Variants in AP5Z1 observed in about 807,000 individuals in gnomAD.
The protein encoded by AP5Z1 is AP-5 complex subunit zeta-1.
AP5Z1 carries 106 observed loss-of-function variants against 83.0 expected under a neutral mutation model. The observed-to-expected ratio is 1.28, with a 90% CI of 1.09 to 1.50. The LOEUF (loss-of-function observed/expected upper bound fraction) is 1.50. AP5Z1 is among the 40% of genes most tolerant of loss of function. AP5Z1 has a pLI of 0.00. For synonymous variants in AP5Z1, 751 were observed against 514.1 expected, an observed-to-expected ratio of 1.46 and a Z score of -6.23; for missense variants, 1,565 against 1,094.2, an observed-to-expected ratio of 1.43 and a Z score of -6.07.
At position 4,784,286 on chromosome 7, in the gene AP5Z1, C is replaced by T. The variant is rs766379431; in HGVS notation, c.705C>T (p.Asp235=). Residue 235 remains aspartate (D), a synonymous_variant, in exon 6 of 17, where the codon GAC becomes GAT. Transcript: ENST00000649063. ...VLSSGHRFTD[D]QWLNVQAFSM... is the part of the protein sequence containing the mutation. ...CCAGCGGCCACCGCTTCACAGACGA[C>T]CAGTGGCTGAACGTGCAGGCCTTCT... 2.5e-6 allele frequency: 4 copies of T among 1,602,758 alleles called. No homozygotes were observed. The highest frequency in any genetic ancestry group is 3.4e-6 in the Non-Finnish European group (4 of 1,175,690).
Position 4,792,939 on chromosome 7 carries a change from A to T in AP5Z1, c.*1554A>T. Reference sequence around the variant, plus strand: ...CCCCTAGGCTCGGAATGAGTCTCCCACTGAGTCCGCAGCTCCCCTCCTGCC... The same window carrying T: ...CCCCTAGGCTCGGAATGAGTCTCCCTCTGAGTCCGCAGCTCCCCTCCTGCC... On this transcript the variant is annotated 3_prime_UTR_variant, in exon 17 of 17. Transcript: ENST00000649063. The T allele has an allele frequency of 6.3e-6, 1 of 159,226 alleles. No individual in the cohort carries two copies. The highest frequency in any genetic ancestry group is 1.4e-5 in the Non-Finnish European group (1 of 72,242). 9.9% of individuals were successfully genotyped at this position (159,226 alleles called of 1,614,324 possible).
intron 12 of AP5Z1, 69 bp from the exon 13 acceptor site, chr7:4,788,771 G>T: frequency 7.3e-7 from 1 of 1,363,724 alleles, no homozygotes; most frequent in South Asian, 1.4e-5. Context: ...GAGCAGTGGC[G>T]ACGTGGCCCC....
At chr7:4,788,657 C>T (rs953042072) in intron 12 of AP5Z1, 183 bp from the exon 13 acceptor site, 1 of 560,532 alleles carries the variant, frequency 1.8e-6, no homozygotes, top group Non-Finnish European at 3.1e-6. Flanking sequence ...GATGGCTTTA[C>T]TGTCCCGGGT....
Position 4,790,453 on chromosome 7 carries a change from G to A in AP5Z1, c.1806-6G>A, listed in dbSNP as rs189712219. The A allele has an allele frequency of 6.2e-7, 1 of 1,613,062 alleles. No individual in the cohort carries two copies. The highest frequency in any genetic ancestry group is 1.7e-5 in the Admixed American group (1 of 60,010). On this transcript the variant is annotated splice_region_variant and splice_polypyrimidine_tract_variant and intron_variant, in intron 14 of 16. Coordinates refer to ENST00000649063, the MANE Select transcript of AP5Z1 (RefSeq NM_014855.3). The stretch of plus-strand genomic sequence containing the variant: ...AGAGCAGGCGTAGACCCGGCTTTCT[G>A]GGCAGTGTGCTGAGTTCTCAGTTCC...
intron 16 of AP5Z1, 36 bp downstream of exon 16, chr7:4,790,923 C>A: frequency 6.5e-7 from 1 of 1,546,970 alleles, no homozygotes; most frequent in Non-Finnish European, 8.7e-7. Context: ...CCTTCTGGCT[C>A]CTGGGGAAGA....
intron 6 of AP5Z1, 92 bp from the exon 7 acceptor site, chr7:4,784,816 G>T: frequency 6.8e-7 from 1 of 1,480,326 alleles, no homozygotes; most frequent in Non-Finnish European, 9.1e-7. Context: ...GCTGCGGCCT[G>T]TGCTCTCCTC....
intron 1 of AP5Z1, among the ~76,000 whole-genome samples, chr7:4,779,771 GCTGGGATTA>G (rs1410048139): frequency 3.9e-5 from 6 of 151,976 alleles, no homozygotes; most frequent in Non-Finnish European, 7.4e-5. Flanking sequence ...CTCCTGAGTA[GCTGGGATTA>G]CAGGCTTGTG....
At chr7:4,778,820 ATAT>A (rs1781291292) in intron 1 of AP5Z1, among the ~76,000 whole-genome samples, 2 of 143,624 alleles carry the variant, frequency 1.4e-5, no homozygotes, top group South Asian at 4.2e-4. Flanking sequence ...ATTATATGTT[ATAT>A]TATATATCAT....
Position 4,786,100 on chromosome 7 carries a change from A to G in AP5Z1, c.1133-150A>G, listed in dbSNP as rs1210358277. 6.8e-6 allele frequency: 5 copies of G among 735,596 alleles called. No individual in the cohort carries two copies. In the South Asian group the frequency reaches 1.2e-4, roughly 17 times the overall value. 45.6% of individuals were successfully genotyped at this position (735,596 alleles called of 1,614,324 possible). A position where few individuals can be genotyped will look rare whatever the true frequency, so the allele number is the denominator to read the frequency against. On this transcript the variant is annotated intron_variant, in intron 9 of 16. Transcript: ENST00000649063. ...CCGTGTCCCTGGGCGAGGGAGACCA[A>G]GTGCCGCTTCCCCAGCGTCCCAGCG...
chr7:4,780,703 T>C (rs895480652), intron 1 of AP5Z1, among the ~76,000 whole-genome samples: 2 of 152,076 alleles, frequency 1.3e-5, no homozygotes, highest in Non-Finnish European at 1.5e-5. Flanking sequence ...GAGGCGAAGG[T>C]TGCAGTGAGC....
chr7:4,775,677 A>C lies in AP5Z1; in HGVS notation c.-39A>C, dbSNP rs749484491. On this transcript the variant is annotated 5_prime_UTR_variant, in exon 1 of 17. Transcript: ENST00000649063. ...GGAGCTCCTGGGCTGCAGCTCCTGG[A>C]GTTTCCGAGGTTCGTGCGCGTCTGG... 1.5e-5 allele frequency: 24 copies of C among 1,605,346 alleles called. No homozygotes were observed. The highest frequency in any genetic ancestry group is 4.0e-5 in the African/African-American group (3 of 74,878).
In AP5Z1 at chr7:4,784,203, C is replaced by T. The variant is rs1781466614; in HGVS notation, c.622C>T (p.Pro208Ser). The T allele has an allele frequency of 6.3e-7, 1 of 1,578,990 alleles. No individual in the cohort carries two copies. The highest frequency in any genetic ancestry group is 1.3e-5 in the African/African-American group (1 of 74,242). The change falls in exon 6 of 17, where the codon CCG becomes TCG. Residue 208 changes from proline to serine, a missense_variant and splice_region_variant. Coordinates refer to ENST00000649063, the MANE Select transcript of AP5Z1 (RefSeq NM_014855.3). ...CCACTCCTGCCTGTCCTTCCCACAG[C>T]CGGGCCCCGTCACCGAGGTGGACGG... ...GFFSTPRARQ[P>S]GPVTEVDGAV...
At chr7:4,787,469 G>A (rs1164982760) in intron 10 of AP5Z1, 165 bp from the exon 11 acceptor site, 5 of 1,085,656 alleles carry the variant, frequency 4.6e-6, no homozygotes, top group Non-Finnish European at 6.4e-6. Flanking sequence ...CTGGGCGACA[G>A]AGCAAGACCC....
chr7:4,785,559 GCCGGCAGGACCCGTC>G lies in AP5Z1; in HGVS notation c.1009_1023del (p.Arg337_Ser341del). On this transcript the variant is annotated inframe_deletion, in exon 9 of 17. Coordinates refer to ENST00000649063, the MANE Select transcript of AP5Z1 (RefSeq NM_014855.3). ...GCCGTGCTGGTGCTGGACGTGCTGT[GCCGGCAGGACCCGTC>G]CTTCCTGTACCGAAGTCTCTCCTGC... 1 of 1,611,492 alleles carries G rather than the reference GCCGGCAGGACCCGTC, an allele frequency of 6.2e-7. No homozygotes were observed. The highest frequency in any genetic ancestry group is 1.1e-5 in the South Asian group (1 of 90,722).
intron 13 of AP5Z1, 70 bp downstream of exon 13, chr7:4,789,021 TG>T: frequency 3.7e-6 from 5 of 1,344,556 alleles, no homozygotes; most frequent in East Asian, 2.5e-5. Flanking sequence ...GAGCCAGCAC[TG>T]GGGGGCCCTC....
chr7:4,783,616 C>A, intron 4 of AP5Z1, 73 bp from the exon 5 acceptor site: 2 of 1,506,992 alleles, frequency 1.3e-6, no homozygotes, highest in Non-Finnish European at 1.8e-6. Context: ...TGAGAAAAGT[C>A]GGCCAGCATC....
At position 4,783,339 on chromosome 7, in the gene AP5Z1, A is replaced by G; in HGVS notation, c.390A>G (p.Arg130=). 1 of 1,612,358 alleles carries G rather than the reference A, an allele frequency of 6.2e-7. No homozygotes were observed. Among genetic ancestry groups the G allele is most frequent in the African/African-American group, 1.3e-5 (1 of 75,038 alleles). ...AGGGTGACAGAAACGAGGAGGTCAG[A>G]GCCGTGGGCCAGGGCGTGCTACGAG... The part of the protein sequence containing the change: ...LAQGDRNEEV[R]AVGQGVLRAL... The change falls in exon 4 of 17, where the codon AGA becomes AGG. Residue 130 remains arginine (R), a synonymous_variant. Transcript: ENST00000649063.
chr7:4,781,191 G>A lies in AP5Z1; in HGVS notation c.58G>A (p.Glu20Lys). Residue 20 changes from glutamate to lysine, a missense_variant, in exon 2 of 17, where the codon GAG becomes AAG. Physicochemically the swap from Glu to Lys is moderately conservative, Grantham distance 56 (BLOSUM62 1). Coordinates refer to ENST00000649063, the MANE Select transcript of AP5Z1 (RefSeq NM_014855.3). ...TTTGTTTAGGGAGATCCAGGACGAG[G>A]AGCTGAAGAAGTTCTGTTCCCGGAT... ...LHQAREIQDE[E>K]LKKFCSRICK... The A allele has an allele frequency of 2.5e-6, 4 of 1,613,732 alleles. No homozygotes were observed. The highest frequency in any genetic ancestry group is 3.4e-6 in the Non-Finnish European group (4 of 1,179,632).
chr7:4,789,937 C>G lies in AP5Z1; in HGVS notation c.1805+8C>G, dbSNP rs1422776122. The G allele has an allele frequency of 1.2e-5, 19 of 1,525,108 alleles. No individual in the cohort carries two copies. The highest frequency in any genetic ancestry group is 1.2e-4 in the Admixed American group (6 of 50,044). The allele number at this position is 1,525,108 out of a possible 1,614,324, so 94.5% of individuals were successfully genotyped here. ...CGCTGCCGGTGTGCACAGGTAGGTC[C>G]CTCCTGCGCTCCTGCCACAGCCCTG... On this transcript the variant is annotated splice_region_variant and intron_variant, in intron 14 of 16. Transcript: ENST00000649063.
Sources: gnomAD v4.1 joint callset for allele counts (sites outside exome capture counted in the v4.1 genomes callset) on GRCh38, gnomAD v4.1.1 for gene constraint, MANE v1.5 for transcripts, NCBI Gene and HGNC (gene_info 2026-07-23, HGNC 2026-07-21) for gene names.